Variants in ASTN2 observed in about 807,000 individuals in gnomAD.
The protein encoded by ASTN2 is astrotactin 2, also known as astrotactin-2.
In ASTN2, 54 loss-of-function variants were observed where a neutral mutation model predicts 139.8. The ratio of observed to expected loss-of-function variants is 0.39; its 90% CI spans 0.31 to 0.48. The LOEUF (loss-of-function observed/expected upper bound fraction) is 0.48. ASTN2 is among the 20% of genes least tolerant of loss of function. The pLI, the probability that ASTN2 is intolerant of heterozygous loss-of-function variation, is 0.95. For missense variants in ASTN2, 1,565 were observed against 1,725.1 expected (o/e 0.91, Z 1.64); for synonymous variants, 756 against 719.5 (o/e 1.05, Z -0.81).
chr9:116,446,552 C>G (rs1434636795), intron 20 of ASTN2, among the ~76,000 whole-genome samples: 1 of 152,198 alleles, frequency 6.6e-6, no homozygotes, highest in African/African-American at 2.4e-5. Flanking sequence ...CTGACTCCTC[C>G]TCCTCCAGTG....
intron 22 of ASTN2, among the ~76,000 whole-genome samples, chr9:116,438,124 T>C (rs1564276868): frequency 1.3e-5 from 2 of 152,192 alleles, no homozygotes; most frequent in Non-Finnish European, 1.5e-5. Context: ...GCCCACTAAG[T>C]ATTTCAAGAA....
intron 10 of ASTN2, among the ~76,000 whole-genome samples, chr9:116,921,359 C>T (rs183449224): frequency 1.1e-4 from 16 of 152,076 alleles, no homozygotes; most frequent in African/African-American, 2.2e-4. Flanking sequence ...GAGGCTGAGG[C>T]GGGCGGATCA....
chr9:116,626,154 G>GTT (rs751026997), intron 17 of ASTN2, among the ~76,000 whole-genome samples: 1,126 of 34,470 alleles, frequency 0.033, 77 homozygotes, highest in Non-Finnish European at 0.049. Flanking sequence ...TAGTTTTTGT[G>GTT]TTTTTTTTTT....
intron 16 of ASTN2, among the ~76,000 whole-genome samples, chr9:116,691,172 G>A (rs918507660): frequency 1.3e-5 from 2 of 152,162 alleles, no homozygotes; most frequent in African/African-American, 4.8e-5. Flanking sequence ...GTCTCTGCTA[G>A]TCTCCCCAAA....
At chr9:117,319,507 C>A (rs961134649) in intron 1 of ASTN2, among the ~76,000 whole-genome samples, 3 of 152,110 alleles carry the variant, frequency 2.0e-5, no homozygotes, top group African/African-American at 7.2e-5. Flanking sequence ...TGGTTCCCTG[C>A]AACCTCCACC....
At position 117,308,845 on chromosome 9, in the gene ASTN2, C is replaced by T. The variant is rs12006407; in HGVS notation, c.443-17332G>A. Among the ~76,000 whole-genome samples the T allele has an allele frequency of 1.0e-2, 1,521 of 152,152 alleles. 28 individuals are homozygous for T. The highest frequency in any genetic ancestry group is 0.035 in the African/African-American group (1,445 of 41,512). ...ATAGGAGATGCTGGCAGTGAGGGGA[C>T]AGAACAGGATTTTTCATCCATGAAA... is the stretch of plus-strand genomic sequence containing the variant. On this transcript the variant is annotated intron_variant, in intron 1 of 22. Transcript: ENST00000313400.
intron 10 of ASTN2, among the ~76,000 whole-genome samples, chr9:116,867,299 A>G (rs1185398338): frequency 1.2e-4 from 19 of 152,112 alleles, no homozygotes; most frequent in Admixed American, 1.2e-3. Flanking sequence ...GAGTGAGAAA[A>G]GAGAGCAGGA....
At chr9:116,689,885 A>C (rs1037293463) in intron 16 of ASTN2, among the ~76,000 whole-genome samples, 2 of 152,140 alleles carry the variant, frequency 1.3e-5, no homozygotes. Flanking sequence ...TTGAAAAAAC[A>C]CCTCATAGCA....
intron 1 of ASTN2, among the ~76,000 whole-genome samples, chr9:117,292,621 A>C (rs1834622063): frequency 6.6e-6 from 1 of 152,100 alleles, no homozygotes; most frequent in South Asian, 2.1e-4. Flanking sequence ...AGAGGCTTAG[A>C]ACCTTGACCC....
At chr9:117,049,982 A>G (rs1012597110) in intron 5 of ASTN2, among the ~76,000 whole-genome samples, 5 of 152,050 alleles carry the variant, frequency 3.3e-5, no homozygotes, top group African/African-American at 1.2e-4. Context: ...AGAAGGAGAA[A>G]GGAAAGGTGG....
chr9:116,504,872 G>GAT (rs1329593007), intron 19 of ASTN2, among the ~76,000 whole-genome samples: 8 of 121,982 alleles, frequency 6.6e-5, no homozygotes, highest in African/African-American at 2.7e-4. Flanking sequence ...CTCTAGCCTG[G>GAT]ATGACCAAGT....
At chr9:116,718,461 A>C (rs1828375820) in intron 16 of ASTN2, among the ~76,000 whole-genome samples, 1 of 152,154 alleles carries the variant, frequency 6.6e-6, no homozygotes, top group Admixed American at 6.5e-5. Flanking sequence ...TGGGATCTCT[A>C]TTTTAGAAAC....
chr9:116,921,508 A>C (rs2132436502), intron 10 of ASTN2, among the ~76,000 whole-genome samples: 1 of 151,798 alleles, frequency 6.6e-6, no homozygotes. Context: ...GAATGGTGTG[A>C]ACCTGGGAAG....
At chr9:116,957,697 G>A (rs570800916) in intron 10 of ASTN2, among the ~76,000 whole-genome samples, 3 of 152,266 alleles carry the variant, frequency 2.0e-5, no homozygotes, top group East Asian at 1.9e-4. Flanking sequence ...TTTTTGAGAC[G>A]GAGTCTCGCT....
chr9:117,071,712 G>C (rs1297282687), intron 5 of ASTN2, among the ~76,000 whole-genome samples: 1 of 149,010 alleles, frequency 6.7e-6, no homozygotes, highest in East Asian at 2.0e-4. Context: ...ATAGTCTCAT[G>C]GTGCGCCGTT....
rs146514756 is a variant in ASTN2 at position 116,519,369 on chromosome 9, C to A, written c.3356-31869G>T. On this transcript the variant is annotated intron_variant, in intron 19 of 22. Coordinates refer to ENST00000313400, the MANE Select transcript of ASTN2 (RefSeq NM_001365068.1). The stretch of plus-strand genomic sequence containing the variant: ...TCCAAAAAAAACCCTCAAAACCATG[C>A]AAATACATGGAAATTAAATAGCCTG... 5.1e-3 allele frequency among the ~76,000 whole-genome samples: 776 copies of A among 151,892 alleles called. 4 individuals are homozygous for A. Among genetic ancestry groups the A allele is most frequent in the African/African-American group, 0.018 (741 of 41,438 alleles).
At chr9:117,127,680 T>G (rs1463462237) in intron 4 of ASTN2, among the ~76,000 whole-genome samples, 2 of 130,382 alleles carry the variant, frequency 1.5e-5, no homozygotes, top group African/African-American at 2.9e-5. Context: ...TGGTTTTTTT[T>G]TTTTTTTTTT....
chr9:117,224,801 A>C (rs577238310), intron 2 of ASTN2, among the ~76,000 whole-genome samples: 1 of 152,154 alleles, frequency 6.6e-6, no homozygotes, highest in Admixed American at 6.5e-5. Flanking sequence ...CGAGTCCTTT[A>C]AGCCTCAGCT....
At chr9:117,346,493 T>A (rs1829222123) in intron 1 of ASTN2, among the ~76,000 whole-genome samples, 1 of 152,224 alleles carries the variant, frequency 6.6e-6, no homozygotes, top group Non-Finnish European at 1.5e-5. Flanking sequence ...CACTCACCTG[T>A]GCTTATTTGC....
Sources: gnomAD v4.1 joint callset for allele counts (sites outside exome capture counted in the v4.1 genomes callset) on GRCh38, gnomAD v4.1.1 for gene constraint, MANE v1.5 for transcripts, NCBI Gene and HGNC (gene_info 2026-07-23, HGNC 2026-07-21) for gene names.